Variants in PPP2R5E observed in about 807,000 individuals in gnomAD.
PPP2R5E encodes the protein protein phosphatase 2 regulatory subunit B'epsilon.
In PPP2R5E, 4 loss-of-function variants were observed where a neutral mutation model predicts 65.3. The observed-to-expected ratio is 0.06, with a 90% CI of 0.03 to 0.14. The LOEUF (loss-of-function observed/expected upper bound fraction) is 0.14, where lower values mean the gene tolerates loss of function less well. Among genes scored for constraint, PPP2R5E ranks in the 10% least tolerant of loss-of-function variants. PPP2R5E has a pLI of 1.00. For missense variants in PPP2R5E, 274 were observed against 556.1 expected (o/e 0.49, Z 5.10); for synonymous variants, 183 against 187.4 (o/e 0.98, Z 0.19).
chr14:63,507,857 C>T (rs953552321), intron 2 of PPP2R5E, among the ~76,000 whole-genome samples: 15 of 151,916 alleles, frequency 9.9e-5, no homozygotes, highest in African/African-American at 2.9e-4. Flanking sequence ...GGATTACAGG[C>T]GTGAGCCACC....
intron 2 of PPP2R5E, among the ~76,000 whole-genome samples, chr14:63,518,913 TAAAAAAATA>T (rs1369601842): frequency 2.0e-5 from 3 of 151,356 alleles, no homozygotes; most frequent in Non-Finnish European, 2.9e-5. Flanking sequence ...AAATTAAAAA[TAAAAAAATA>T]AAAAAAATAA....
At chr14:63,517,622 T>C (rs1399738195) in intron 2 of PPP2R5E, among the ~76,000 whole-genome samples, 2 of 152,188 alleles carry the variant, frequency 1.3e-5, no homozygotes, top group Non-Finnish European at 2.9e-5. Flanking sequence ...CTCCACTCAA[T>C]TTTCACCACC....
intron 2 of PPP2R5E, among the ~76,000 whole-genome samples, chr14:63,486,332 T>TGAC (rs1238166628): frequency 1.6e-5 from 2 of 124,000 alleles, no homozygotes; most frequent in Non-Finnish European, 3.3e-5. Flanking sequence ...ACACACATCC[T>TGAC]TTAAACATTT....
intron 2 of PPP2R5E, among the ~76,000 whole-genome samples, chr14:63,522,481 T>C (rs1892963386): frequency 2.4e-5 from 3 of 127,474 alleles, no homozygotes; most frequent in Admixed American, 7.9e-5. Flanking sequence ...CCGGCCGCCA[T>C]CCCATCTAGG....
At chr14:63,418,172 T>C (rs1209332936) in intron 4 of PPP2R5E, among the ~76,000 whole-genome samples, 2 of 152,208 alleles carry the variant, frequency 1.3e-5, no homozygotes, top group Non-Finnish European at 2.9e-5. Flanking sequence ...GAATTGTTCC[T>C]TTTCTAATAC....
At chr14:63,485,153 C>T (rs1430159738) in intron 2 of PPP2R5E, among the ~76,000 whole-genome samples, 2 of 149,240 alleles carry the variant, frequency 1.3e-5, no homozygotes, top group Non-Finnish European at 3.0e-5. Flanking sequence ...GAAGTTTAGC[C>T]TGTTATCTAA....
rs575861345 is a variant in PPP2R5E at position 63,383,172 on chromosome 14, T to C, written c.1203-1015A>G. 1.2e-4 allele frequency among the ~76,000 whole-genome samples: 19 copies of C among 152,350 alleles called. No individual in the cohort carries two copies. The East Asian group carries it at 3.3e-3, about 26-fold the overall frequency. On this transcript the variant is annotated intron_variant, in intron 12 of 13. Transcript: ENST00000337537. ...CTTGGGCAATGTGAGGACAAGGTTATGATGGGCTTGATAGCTTCAGACTAG... is the reference window on the plus strand; with the variant it reads ...CTTGGGCAATGTGAGGACAAGGTTACGATGGGCTTGATAGCTTCAGACTAG...
intron 13 of PPP2R5E, among the ~76,000 whole-genome samples, chr14:63,378,369 G>C (rs527245424): frequency 1.1e-4 from 17 of 152,298 alleles, no homozygotes; most frequent in Middle Eastern, 3.4e-3. Flanking sequence ...CGATGACCTT[G>C]AGCAGTGGGA....
chr14:63,433,032 G>GTTTTTTTTTTTTT (rs747571866), intron 3 of PPP2R5E, among the ~76,000 whole-genome samples: 4 of 96,464 alleles, frequency 4.1e-5, no homozygotes, highest in African/African-American at 7.6e-5. Context: ...GTTTTGTTTT[G>GTTTTTTTTTTTTT]TTTTTTTTTT....
intron 2 of PPP2R5E, among the ~76,000 whole-genome samples, chr14:63,468,917 C>T (rs1889973497): frequency 6.6e-6 from 1 of 152,122 alleles, no homozygotes; most frequent in Admixed American, 6.5e-5. Context: ...CTTTTCCCCA[C>T]ACACTCTGTT....
At chr14:63,509,271 T>C (rs1216058702) in intron 2 of PPP2R5E, among the ~76,000 whole-genome samples, 1 of 83,282 alleles carries the variant, frequency 1.2e-5, no homozygotes, top group Non-Finnish European at 2.1e-5. Context: ...AATATCCTTT[T>C]TTTTTTTTTT....
chr14:63,536,613 A>C (rs552789903), intron 2 of PPP2R5E, among the ~76,000 whole-genome samples: 1 of 152,232 alleles, frequency 6.6e-6, no homozygotes, highest in Non-Finnish European at 1.5e-5. Flanking sequence ...TGAAGGTGGA[A>C]GCAACCCAAG....
At chr14:63,507,242 C>A (rs1199487109) in intron 2 of PPP2R5E, among the ~76,000 whole-genome samples, 5 of 152,180 alleles carry the variant, frequency 3.3e-5, no homozygotes, top group Non-Finnish European at 7.3e-5. Context: ...GGATATGGGG[C>A]CTTAAAGGCC....
chr14:63,482,941 T>C (rs1890788237), intron 2 of PPP2R5E, among the ~76,000 whole-genome samples: 1 of 152,004 alleles, frequency 6.6e-6, no homozygotes, highest in African/African-American at 2.4e-5. Context: ...TGAACAAAAG[T>C]GACAAAGATT....
intron 10 of PPP2R5E, among the ~76,000 whole-genome samples, chr14:63,391,401 C>CTTTGT (rs10681833): frequency 0.04 from 5,683 of 143,210 alleles, 175 homozygotes; most frequent in Admixed American, 0.11. Context: ...TGCAGTTTTG[C>CTTTGT]TTTGTTTTGT....
At chr14:63,458,562 C>G (rs1005566201) in intron 2 of PPP2R5E, among the ~76,000 whole-genome samples, 1 of 152,002 alleles carries the variant, frequency 6.6e-6, no homozygotes, top group Non-Finnish European at 1.5e-5. Context: ...TAAAGGAGGC[C>G]TACATCATTA....
At chr14:63,384,190 T>A (rs577697033) in intron 12 of PPP2R5E, among the ~76,000 whole-genome samples, 55 of 152,240 alleles carry the variant, frequency 3.6e-4, no homozygotes, top group Admixed American at 1.4e-3. Context: ...TCCTCTCAGC[T>A]GCAGTGCCTC....
At chr14:63,449,872 A>AT (rs35931655) in intron 3 of PPP2R5E, among the ~76,000 whole-genome samples, 19,372 of 105,390 alleles carry the variant, frequency 0.18, 2,376 homozygotes, top group African/African-American at 0.3. Flanking sequence ...TTCTTTTCCT[A>AT]TTTTTTTTTT....
chr14:63,383,927 C>T (rs1454813801), intron 12 of PPP2R5E, among the ~76,000 whole-genome samples: 2 of 152,202 alleles, frequency 1.3e-5, no homozygotes, highest in African/African-American at 4.8e-5. Flanking sequence ...TCATCATCTA[C>T]TTGGTGAAGG....
Sources: allele counts gnomAD v4.1 joint callset (sites outside exome capture counted in the v4.1 genomes callset), GRCh38; gene constraint gnomAD v4.1.1; transcripts MANE v1.5; gene names NCBI Gene and HGNC (gene_info 2026-07-23, HGNC 2026-07-21).